Variants in SCAPER observed in about 807,000 individuals in gnomAD.
SCAPER encodes the protein S phase cyclin A-associated protein in the endoplasmic reticulum.
SCAPER carries 98 observed loss-of-function variants against 182.2 expected under a neutral mutation model. That is an observed-to-expected ratio of 0.54 (90% CI 0.46 to 0.64). SCAPER has a LOEUF of 0.64. SCAPER is among the 30% of genes least tolerant of loss of function. The pLI, the probability that SCAPER is intolerant of heterozygous loss-of-function variation, is 0.00. For missense variants in SCAPER, 1,432 were observed against 1,690.0 expected (o/e 0.85, Z 2.68); for synonymous variants, 605 against 564.6 (o/e 1.07, Z -1.01).
At chr15:76,650,635 G>C (rs377488658) in intron 21 of SCAPER, among the ~76,000 whole-genome samples, 4 of 152,062 alleles carry the variant, frequency 2.6e-5, no homozygotes, top group South Asian at 2.1e-4. Context: ...CAATACTACA[G>C]ATAGAACATT....
chr15:76,725,871 A>C (rs1182677213), intron 17 of SCAPER, among the ~76,000 whole-genome samples: 1 of 151,612 alleles, frequency 6.6e-6, no homozygotes, highest in East Asian at 1.9e-4. Flanking sequence ...CATAAGACCT[A>C]AAAGTATAAA....
chr15:76,707,954 C>T (rs768897916), intron 17 of SCAPER, among the ~76,000 whole-genome samples: 20 of 151,950 alleles, frequency 1.3e-4, no homozygotes, highest in African/African-American at 4.6e-4. Flanking sequence ...TTGTGATATC[C>T]CCAAATATTT....
chr15:76,901,502 G>A (rs1042233084), intron 1 of SCAPER, among the ~76,000 whole-genome samples: 8 of 152,228 alleles, frequency 5.3e-5, no homozygotes, highest in African/African-American at 1.9e-4. Flanking sequence ...ATTTAGTGAG[G>A]AGGTAACTTT....
At chr15:76,381,319 T>G in intron 28 of SCAPER, 59 bp downstream of exon 28, 2 of 1,413,400 alleles carry the variant, frequency 1.4e-6, no homozygotes, top group East Asian at 4.8e-5. Context: ...TGACATCCTA[T>G]CTACACTAAA....
chr15:76,812,047 C>T (rs1166800709), intron 5 of SCAPER, among the ~76,000 whole-genome samples: 1 of 152,058 alleles, frequency 6.6e-6, no homozygotes, highest in Non-Finnish European at 1.5e-5. Context: ...GGCATGGTGG[C>T]TCATTCCTGT....
chr15:76,639,030 C>G (rs886631954), intron 21 of SCAPER, among the ~76,000 whole-genome samples: 2 of 152,006 alleles, frequency 1.3e-5, no homozygotes, highest in Admixed American at 1.3e-4. Flanking sequence ...ATAGAAAATG[C>G]CTGTCTTGTT....
chr15:76,545,763 G>A (rs1405817947), intron 23 of SCAPER, among the ~76,000 whole-genome samples: 2 of 152,076 alleles, frequency 1.3e-5, no homozygotes, highest in African/African-American at 4.8e-5. Context: ...AAGAGTTCAG[G>A]AAGGTGAAGT....
chr15:76,350,939 C>T (rs2040502907), intron 31 of SCAPER: 2 of 229,538 alleles, frequency 8.7e-6, no homozygotes, highest in Non-Finnish European at 1.7e-5. Flanking sequence ...TATTACAAAG[C>T]GGCTCTTTAG....
At position 76,834,593 on chromosome 15, in the gene SCAPER, C is replaced by A. The variant is rs530813516; in HGVS notation, c.393+7141G>T. Among the ~76,000 whole-genome samples the A allele has an allele frequency of 3.9e-5, 6 of 151,988 alleles. No individual in the cohort carries two copies. In the South Asian group the frequency reaches 1.3e-3, roughly 32 times the overall value. On this transcript the variant is annotated intron_variant, in intron 5 of 31. Transcript: ENST00000563290. ...CTGAACAACATTGAGACATGAAAAT[C>A]CATTCAAAATATCAATGAAGAAAAG...
chr15:76,788,567 T>A (rs1392775202), intron 8 of SCAPER, among the ~76,000 whole-genome samples: 1 of 152,154 alleles, frequency 6.6e-6, no homozygotes, highest in African/African-American at 2.4e-5. Flanking sequence ...ACTGGTATAT[T>A]AATTCATTAC....
chr15:76,364,174 G>A (rs1336451742), intron 29 of SCAPER, among the ~76,000 whole-genome samples: 4 of 152,168 alleles, frequency 2.6e-5, no homozygotes, highest in South Asian at 2.1e-4. Flanking sequence ...GGCTAGCACC[G>A]CAAACAAATT....
At chr15:76,418,304 G>C (rs1031162471) in intron 26 of SCAPER, among the ~76,000 whole-genome samples, 1 of 152,170 alleles carries the variant, frequency 6.6e-6, no homozygotes, top group Non-Finnish European at 1.5e-5. Flanking sequence ...CTCAGAGTCA[G>C]GGAGGACTTC....
intron 23 of SCAPER, among the ~76,000 whole-genome samples, chr15:76,543,995 G>A (rs1204840135): frequency 6.6e-6 from 1 of 152,026 alleles, no homozygotes; most frequent in Admixed American, 6.6e-5. Context: ...CAAATTTTTA[G>A]AAAAACCTAG....
At chr15:76,782,784 G>A (rs901027893) in intron 8 of SCAPER, among the ~76,000 whole-genome samples, 1 of 152,088 alleles carries the variant, frequency 6.6e-6, no homozygotes, top group Non-Finnish European at 1.5e-5. Context: ...AATGACTACT[G>A]GGTAAATAAC....
At chr15:76,424,333 T>G (rs1051142845) in intron 26 of SCAPER, among the ~76,000 whole-genome samples, 5 of 152,230 alleles carry the variant, frequency 3.3e-5, no homozygotes, top group African/African-American at 7.2e-5. Context: ...TTAGGATAGT[T>G]AGCTCTTCTT....
chr15:76,562,565 G>A (rs1280781704), intron 23 of SCAPER, among the ~76,000 whole-genome samples: 1 of 152,048 alleles, frequency 6.6e-6, no homozygotes, highest in African/African-American at 2.4e-5. Context: ...TTAAAATCTT[G>A]GCAAGATAGC....
intron 8 of SCAPER, among the ~76,000 whole-genome samples, chr15:76,792,519 T>C (rs2065065394): frequency 6.6e-6 from 1 of 152,228 alleles, no homozygotes; most frequent in Admixed American, 6.5e-5. Context: ...GTTGGCCCTG[T>C]GACTTCATAT....
intron 24 of SCAPER, among the ~76,000 whole-genome samples, chr15:76,479,534 A>G (rs1021809987): frequency 6.6e-6 from 1 of 152,172 alleles, no homozygotes; most frequent in Non-Finnish European, 1.5e-5. Flanking sequence ...TTTCACTGAA[A>G]ATGTTTCCTC....
Position 76,460,319 on chromosome 15 carries a change from G to A in SCAPER, c.3078+10893C>T, listed in dbSNP as rs183835151. Among the ~76,000 whole-genome samples the A allele has an allele frequency of 2.0e-3, 300 of 151,972 alleles. 1 individual carries two copies. The highest frequency in any genetic ancestry group is 7.0e-3 in the African/African-American group (289 of 41,460). On this transcript the variant is annotated intron_variant, in intron 25 of 31. Transcript: ENST00000563290. ...CATTCCTAAGAATTTTATTTTTATA[G>A]CTATTATAGAAGGGATTGCCTTCTT...
Sources: allele counts gnomAD v4.1 joint callset (sites outside exome capture counted in the v4.1 genomes callset), GRCh38; gene constraint gnomAD v4.1.1; transcripts MANE v1.5; gene names NCBI Gene and HGNC (gene_info 2026-07-23, HGNC 2026-07-21).